Variants in SUDS3 observed in about 807,000 individuals in gnomAD.
SUDS3 encodes the protein sin3 histone deacetylase corepressor complex component SDS3.
Under a neutral mutation model 53.5 loss-of-function variants are expected in SUDS3, and 23 were observed. The ratio of observed to expected loss-of-function variants is 0.43; its 90% CI spans 0.31 to 0.61. SUDS3 has a LOEUF of 0.61. SUDS3 is among the 20% of genes least tolerant of loss of function. The pLI, the probability that SUDS3 is intolerant of heterozygous loss-of-function variation, is 0.10. For missense variants in SUDS3, 291 were observed against 405.9 expected, an observed-to-expected ratio of 0.72 and a Z score of 2.43; for synonymous variants, 150 against 148.5, an observed-to-expected ratio of 1.01 and a Z score of -0.08.
chr12:118,384,833 A>G (rs972954511), intron 3 of SUDS3, among the ~76,000 whole-genome samples: 103 of 147,618 alleles, frequency 7.0e-4, no homozygotes, highest in Non-Finnish European at 1.4e-3. Flanking sequence ...CTCAGTCTCA[A>G]AAAAAAAAAA....
In SUDS3 at chr12:118,414,676, CG is replaced by C. The variant is rs1168759574; in HGVS notation, c.*244del. The C allele has an allele frequency of 7.9e-6, 3 of 380,162 alleles. No homozygotes were observed. The highest frequency in any genetic ancestry group is 6.3e-5 in the African/African-American group (3 of 47,924). 23.5% of individuals were successfully genotyped at this position (380,162 alleles called of 1,614,324 possible). A position where few individuals can be genotyped will look rare whatever the true frequency, so the allele number is the denominator to read the frequency against. ...ACCATGAGACTGTTTTACTTTCAGG[CG>C]TATTGGGGGGTTTGATTTACTTTCC... is the stretch of plus-strand genomic sequence containing the variant. On this transcript the variant is annotated 3_prime_UTR_variant, in exon 12 of 12. Transcript: ENST00000543473.
intron 11 of SUDS3, 130 bp from the exon 12 acceptor site, chr12:118,414,205 G>T: frequency 1.5e-6 from 1 of 685,142 alleles, no homozygotes; most frequent in South Asian, 2.0e-5. Context: ...CACAAGTTGA[G>T]ACAGTTTATT....
At chr12:118,389,277 C>T (rs1260506062) in intron 4 of SUDS3, among the ~76,000 whole-genome samples, 2 of 152,028 alleles carry the variant, frequency 1.3e-5, no homozygotes, top group South Asian at 2.1e-4. Flanking sequence ...TGTCTTCCAC[C>T]GAACTGGTCC....
intron 6 of SUDS3, among the ~76,000 whole-genome samples, chr12:118,395,127 A>T (rs765361146): frequency 6.7e-6 from 1 of 149,890 alleles, no homozygotes; most frequent in Non-Finnish European, 1.5e-5. Flanking sequence ...ATATCTGGAG[A>T]GGGAGAATGG....
intron 6 of SUDS3, among the ~76,000 whole-genome samples, chr12:118,395,337 T>C (rs1655421796): frequency 6.7e-6 from 1 of 149,292 alleles, no homozygotes; most frequent in South Asian, 2.2e-4. Flanking sequence ...GCCATTCTCC[T>C]GCCTCAACCT....
intron 10 of SUDS3, among the ~76,000 whole-genome samples, chr12:118,410,867 G>A (rs530821501): frequency 6.6e-6 from 1 of 152,190 alleles, no homozygotes; most frequent in Non-Finnish European, 1.5e-5. Flanking sequence ...AAAGTGCTGG[G>A]ATTACAGGCT....
chr12:118,402,949 T>A (rs1165614935), intron 9 of SUDS3, among the ~76,000 whole-genome samples: 1 of 152,094 alleles, frequency 6.6e-6, no homozygotes, highest in Non-Finnish European at 1.5e-5. Flanking sequence ...TTACTAGAGA[T>A]GGGGTTTCAC....
intron 9 of SUDS3, 73 bp from the exon 10 acceptor site, chr12:118,403,339 T>A: frequency 8.7e-7 from 1 of 1,150,610 alleles, no homozygotes; most frequent in Non-Finnish European, 1.3e-6. Flanking sequence ...AGTGTTTCAA[T>A]TAAAGCATGT....
rs144268305 is a variant in SUDS3 at position 118,393,356 on chromosome 12, G to A, written c.517+2074G>A. Among the ~76,000 whole-genome samples the A allele has an allele frequency of 1.2e-3, 180 of 152,302 alleles. 1 individual carries two copies. The highest frequency in any genetic ancestry group is 3.9e-3 in the African/African-American group (164 of 41,580). On this transcript the variant is annotated intron_variant, in intron 6 of 11. Transcript: ENST00000543473. ...GCAAAGTAGGATAAGACGCTGATGA[G>A]AAGCTTAGTCTAAATAACCCACTGG...
At chr12:118,409,739 T>G (rs1448482435) in intron 10 of SUDS3, among the ~76,000 whole-genome samples, 1 of 152,274 alleles carries the variant, frequency 6.6e-6, no homozygotes, top group Non-Finnish European at 1.5e-5. Flanking sequence ...AAGTTTATGT[T>G]ATTAATCGAC....
Position 118,384,057 on chromosome 12 carries a change from A to G in SUDS3, c.258A>G (p.Gln86=). Residue 86 remains glutamine (Q), a synonymous_variant, in exon 3 of 12, where the codon CAA becomes CAG. Transcript: ENST00000543473. ...KLASLKRQLQ[Q]LQEGTLQEYQ... ...CTTCTCTCAAGAGGCAGTTGCAACA[A>G]CTGCAAGAAGGTTGGTGTGTGATTG... 1 of 1,613,800 alleles carries G rather than the reference A, an allele frequency of 6.2e-7. No homozygotes were observed. Among genetic ancestry groups the G allele is most frequent in the Admixed American group, 1.7e-5 (1 of 59,998 alleles).
In SUDS3 at chr12:118,411,063, T is replaced by C. The variant is rs2046355184; in HGVS notation, c.804-10T>C. On this transcript the variant is annotated splice_polypyrimidine_tract_variant and intron_variant, in intron 10 of 11. Transcript: ENST00000543473. Reference sequence around the variant, plus strand: ...TCCCTTTTTAAAAATGTGTGCCTTGTTTTTGTCAGGTACCACAAGAGCCAG... The same window carrying C: ...TCCCTTTTTAAAAATGTGTGCCTTGCTTTTGTCAGGTACCACAAGAGCCAG... The C allele has an allele frequency of 4.4e-6, 7 of 1,599,624 alleles. No individual in the cohort carries two copies. Among genetic ancestry groups the C allele is most frequent in the Non-Finnish European group, 5.1e-6 (6 of 1,172,824 alleles).
At chr12:118,384,685 T>C (rs999450829) in intron 3 of SUDS3, among the ~76,000 whole-genome samples, 1 of 152,120 alleles carries the variant, frequency 6.6e-6, no homozygotes, top group African/African-American at 2.4e-5. Context: ...TGCAAAAAAT[T>C]AGCTGGGCGT....
intron 11 of SUDS3, among the ~76,000 whole-genome samples, chr12:118,413,592 G>A (rs1430395376): frequency 1.3e-5 from 2 of 152,190 alleles, no homozygotes; most frequent in East Asian, 3.9e-4. Flanking sequence ...CAGGTGACTG[G>A]CAGCAGCTCC....
chr12:118,378,677 T>C (rs2046025562), intron 1 of SUDS3, among the ~76,000 whole-genome samples: 1 of 151,830 alleles, frequency 6.6e-6, no homozygotes, highest in Non-Finnish European at 1.5e-5. Flanking sequence ...TTGTTTTGTT[T>C]ATTTTATTTT....
intron 3 of SUDS3, among the ~76,000 whole-genome samples, chr12:118,384,749 C>T (rs546426503): frequency 2.0e-5 from 3 of 151,760 alleles, no homozygotes; most frequent in East Asian, 3.9e-4. Flanking sequence ...AGGAGAATAG[C>T]GTGAACCTGG....
chr12:118,395,458 C>G (rs2046206604), intron 6 of SUDS3, among the ~76,000 whole-genome samples: 1 of 151,558 alleles, frequency 6.6e-6, no homozygotes, highest in African/African-American at 2.4e-5. Flanking sequence ...GATCTCCTGA[C>G]CTCGTGATCT....
intron 9 of SUDS3, 92 bp from the exon 10 acceptor site, chr12:118,403,320 C>A: frequency 1.0e-6 from 1 of 964,192 alleles, no homozygotes; most frequent in Non-Finnish European, 1.6e-6. Flanking sequence ...ATTATTACCA[C>A]ATTCTGATAG....
intron 6 of SUDS3, among the ~76,000 whole-genome samples, chr12:118,394,064 G>A (rs560108602): frequency 6.6e-6 from 1 of 152,230 alleles, no homozygotes. Flanking sequence ...CAAAATAGAA[G>A]TCTGTTTCCC....
Sources: gnomAD v4.1 joint callset for allele counts (sites outside exome capture counted in the v4.1 genomes callset) on GRCh38, gnomAD v4.1.1 for gene constraint, MANE v1.5 for transcripts, NCBI Gene and HGNC (gene_info 2026-07-23, HGNC 2026-07-21) for gene names.